ESR1: variants seen among roughly 807,000 people sequenced by gnomAD.
ESR1 encodes the protein estrogen receptor 1, also known as estrogen receptor.
Under a neutral mutation model 52.7 loss-of-function variants are expected in ESR1, and 12 were observed. The ratio of observed to expected loss-of-function variants is 0.23; its 90% CI spans 0.15 to 0.37. ESR1 has a LOEUF of 0.37. Among genes scored for constraint, ESR1 ranks in the 10% least tolerant of loss-of-function variants. The pLI, the probability that ESR1 is intolerant of heterozygous loss-of-function variation, is 1.00. For synonymous variants in ESR1, 305 were observed against 316.8 expected, an observed-to-expected ratio of 0.96 and a Z score of 0.39; for missense variants, 584 against 779.7, an observed-to-expected ratio of 0.75 and a Z score of 2.99.
intron 2 of ESR1, among the ~76,000 whole-genome samples, chr6:151,708,536 A>G (rs1780346791): frequency 6.6e-6 from 1 of 152,182 alleles, no homozygotes; most frequent in South Asian, 2.1e-4. Context: ...TCACAGTCCC[A>G]CTAGTGATGT....
chr6:151,929,025 T>G (rs2033197109), intron 3 of ESR1, among the ~76,000 whole-genome samples: 1 of 152,218 alleles, frequency 6.6e-6, no homozygotes, highest in Non-Finnish European at 1.5e-5. Flanking sequence ...AGAATGTGTA[T>G]TAAGTTGTGG....
At chr6:152,033,760 G>A (rs1276321428) in intron 5 of ESR1, among the ~76,000 whole-genome samples, 2 of 152,168 alleles carry the variant, frequency 1.3e-5, no homozygotes, top group African/African-American at 2.4e-5. Context: ...TCTAGAACTA[G>A]AAATACCATT....
chr6:152,122,317 A>G, intron 6 of ESR1: 3 of 1,551,468 alleles, frequency 1.9e-6, no homozygotes, highest in Non-Finnish European at 2.7e-6. Context: ...GAGGAGGGCT[A>G]AAGCTGCCAC....
intron 6 of ESR1, among the ~76,000 whole-genome samples, chr6:152,124,965 G>T (rs775357953): frequency 6.6e-6 from 1 of 152,186 alleles, no homozygotes; most frequent in African/African-American, 2.4e-5. Context: ...GTCCTCTGCG[G>T]TGTGTACTTA....
At chr6:151,969,240 G>A (rs865960127) in intron 4 of ESR1, among the ~76,000 whole-genome samples, 2 of 151,912 alleles carry the variant, frequency 1.3e-5, no homozygotes, top group Admixed American at 1.3e-4. Flanking sequence ...CCTACCATTG[G>A]TTTATTTTTA....
intron 2 of ESR1, among the ~76,000 whole-genome samples, chr6:151,737,967 T>C (rs1336983): frequency 0.049 from 7,405 of 152,296 alleles, 618 homozygotes; most frequent in African/African-American, 0.17. Flanking sequence ...CCAGTGTTCT[T>C]TGAGCAGTCT....
chr6:151,677,594 T>C (rs1056479777), intron 1 of ESR1, among the ~76,000 whole-genome samples: 1 of 152,220 alleles, frequency 6.6e-6, no homozygotes, highest in Non-Finnish European at 1.5e-5. Flanking sequence ...TTACGCAGCA[T>C]TTGTTCCCTA....
At chr6:152,080,573 C>T (rs544014840) in intron 6 of ESR1, among the ~76,000 whole-genome samples, 11 of 152,218 alleles carry the variant, frequency 7.2e-5, no homozygotes, top group East Asian at 1.9e-4. Context: ...AGACCATCGA[C>T]GCTATGAAGA....
At chr6:152,088,035 T>C (rs9341034) in intron 6 of ESR1, among the ~76,000 whole-genome samples, 1 of 152,164 alleles carries the variant, frequency 6.6e-6, no homozygotes, top group African/African-American at 2.4e-5. Context: ...AAAACATACA[T>C]ATTCCTTTGA....
At chr6:151,981,755 A>G (rs894908214) in intron 4 of ESR1, among the ~76,000 whole-genome samples, 3 of 152,238 alleles carry the variant, frequency 2.0e-5, no homozygotes, top group Non-Finnish European at 4.4e-5. Flanking sequence ...TTAGAAATTC[A>G]AATGTATGCA....
chr6:152,120,126 C>G (rs761075118), intron 6 of ESR1, among the ~76,000 whole-genome samples: 3 of 152,214 alleles, frequency 2.0e-5, no homozygotes, highest in African/African-American at 4.8e-5. Context: ...AGGAGGAAGT[C>G]AGTTGACAGT....
At chr6:152,110,820 C>G (rs1003327326) in intron 6 of ESR1, among the ~76,000 whole-genome samples, 16 of 152,102 alleles carry the variant, frequency 1.1e-4, no homozygotes, top group African/African-American at 3.1e-4. Flanking sequence ...AAAGCTATGT[C>G]CATACTCAAA....
At chr6:151,924,258 G>T (rs1184903550) in intron 3 of ESR1, among the ~76,000 whole-genome samples, 1 of 152,076 alleles carries the variant, frequency 6.6e-6, no homozygotes, top group Admixed American at 6.6e-5. Context: ...GGCCAGGCTG[G>T]TCTTGAACTC....
chr6:151,930,267 G>A (rs1424665908), intron 3 of ESR1, among the ~76,000 whole-genome samples: 1 of 152,148 alleles, frequency 6.6e-6, no homozygotes, highest in Non-Finnish European at 1.5e-5. Context: ...TTACAGGAGT[G>A]AGCCACCGCA....
chr6:151,829,423 T>G (rs1437703600), intron 1 of ESR1, among the ~76,000 whole-genome samples: 1 of 152,222 alleles, frequency 6.6e-6, no homozygotes, highest in Non-Finnish European at 1.5e-5. Flanking sequence ...TTTAGAAAAG[T>G]GATTTTTTTT....
downstream of ESR1, among the ~76,000 whole-genome samples, chr6:152,105,426 A>AT (rs10717810): frequency 3.1e-3 from 424 of 138,252 alleles, 1 homozygote; most frequent in Middle Eastern, 0.015. Context: ...TCCTCTGTTA[A>AT]TTTTTTTTTT....
intron 5 of ESR1, among the ~76,000 whole-genome samples, chr6:152,016,259 C>T (rs980176270): frequency 2.6e-5 from 4 of 152,004 alleles, no homozygotes; most frequent in African/African-American, 7.2e-5. Flanking sequence ...TACCCAGTCT[C>T]AAGTATGTCT....
At chr6:151,885,961 G>A (rs1000264844) in intron 3 of ESR1, among the ~76,000 whole-genome samples, 3 of 152,060 alleles carry the variant, frequency 2.0e-5, no homozygotes, top group African/African-American at 4.8e-5. Context: ...TGCCACACAA[G>A]TGTTAGCTAT....
At chr6:152,116,713 T>C (rs1027477925) in intron 6 of ESR1, among the ~76,000 whole-genome samples, 17 of 151,646 alleles carry the variant, frequency 1.1e-4, no homozygotes, top group Non-Finnish European at 2.1e-4. Flanking sequence ...TTATTAGTTA[T>C]AGTACATACT....
Sources: gnomAD v4.1 joint callset for allele counts (sites outside exome capture counted in the v4.1 genomes callset) on GRCh38, gnomAD v4.1.1 for gene constraint, MANE v1.5 for transcripts, NCBI Gene and HGNC (gene_info 2026-07-23, HGNC 2026-07-21) for gene names.